The following LRRC4C variants were observed in gnomAD, a reference collection of about 807,000 sequenced individuals.
LRRC4C encodes the protein leucine-rich repeat-containing protein 4C.
LRRC4C carries 5 observed loss-of-function variants against 33.6 expected under a neutral mutation model. The ratio of observed to expected loss-of-function variants is 0.15; its 90% CI spans 0.08 to 0.31. LRRC4C has a LOEUF of 0.31. LRRC4C is among the 10% of genes least tolerant of loss of function. The pLI is 1.00. For missense variants in LRRC4C, 560 were observed against 796.7 expected (o/e 0.70, Z 3.58); for synonymous variants, 329 against 302.0 (o/e 1.09, Z -0.93).
At chr11:41,376,166 C>A (rs1233689362) in intron 1 of LRRC4C, among the ~76,000 whole-genome samples, 2 of 152,000 alleles carry the variant, frequency 1.3e-5, no homozygotes, top group Non-Finnish European at 2.9e-5. Flanking sequence ...TAAAAATGAA[C>A]TGAGTTCCCA....
intron 1 of LRRC4C, among the ~76,000 whole-genome samples, chr11:41,193,834 A>G (rs1049908244): frequency 3.3e-5 from 5 of 152,188 alleles, no homozygotes; most frequent in Non-Finnish European, 5.9e-5. Flanking sequence ...GGACCCTTCT[A>G]TGATACTGAA....
intron 3 of LRRC4C, among the ~76,000 whole-genome samples, chr11:40,364,683 T>G (rs1179642367): frequency 6.6e-6 from 1 of 151,760 alleles, no homozygotes; most frequent in Non-Finnish European, 1.5e-5. Context: ...TTTAACAAGG[T>G]TTGTAAGCCT....
At chr11:40,737,125 T>C (rs1023164279) in intron 2 of LRRC4C, among the ~76,000 whole-genome samples, 2 of 151,886 alleles carry the variant, frequency 1.3e-5, no homozygotes, top group African/African-American at 4.8e-5. Context: ...GTTTTTATGG[T>C]TTATCTCAAT....
intron 2 of LRRC4C, among the ~76,000 whole-genome samples, chr11:40,676,797 A>C (rs992446067): frequency 6.6e-6 from 1 of 152,130 alleles, no homozygotes; most frequent in Non-Finnish European, 1.5e-5. Context: ...TAATTAACAA[A>C]CTTCAGAGAA....
chr11:41,358,213 T>C (rs11036368), intron 1 of LRRC4C, among the ~76,000 whole-genome samples: 26,949 of 151,982 alleles, frequency 0.18, 2,767 homozygotes, highest in East Asian at 0.44. Context: ...AAAAAATAAA[T>C]CTATACACAG....
chr11:40,146,961 C>G (rs1857786419), intron 5 of LRRC4C, among the ~76,000 whole-genome samples: 1 of 152,148 alleles, frequency 6.6e-6, no homozygotes, highest in South Asian at 2.1e-4. Context: ...TCATTGCTTT[C>G]AAACTTAAAC....
chr11:40,950,857 G>C (rs1958661171), intron 1 of LRRC4C, among the ~76,000 whole-genome samples: 1 of 150,284 alleles, frequency 6.7e-6, no homozygotes, highest in Non-Finnish European at 1.5e-5. Flanking sequence ...ATTTGATCCT[G>C]GTATATGTAA....
intron 2 of LRRC4C, among the ~76,000 whole-genome samples, chr11:40,762,739 G>A (rs1034823162): frequency 6.6e-5 from 10 of 152,134 alleles, no homozygotes; most frequent in Non-Finnish European, 4.4e-5. Context: ...TTCCCTATCT[G>A]TATCCTAAAA....
At chr11:41,028,179 T>C (rs981598476) in intron 1 of LRRC4C, among the ~76,000 whole-genome samples, 6 of 151,650 alleles carry the variant, frequency 4.0e-5, no homozygotes, top group Non-Finnish European at 8.9e-5. Flanking sequence ...TTTAAAGCTA[T>C]ATTTTATGAT....
intron 1 of LRRC4C, among the ~76,000 whole-genome samples, chr11:41,155,498 T>A (rs1197437229): frequency 6.6e-6 from 1 of 152,130 alleles, no homozygotes; most frequent in Admixed American, 6.6e-5. Flanking sequence ...ACGAAACGTT[T>A]AACTTCTTCC....
chr11:40,515,260 G>A (rs1011454928), intron 3 of LRRC4C, among the ~76,000 whole-genome samples: 4 of 151,918 alleles, frequency 2.6e-5, no homozygotes, highest in African/African-American at 4.8e-5. Flanking sequence ...GCAATACTAA[G>A]CATATTCTTC....
At position 40,286,678 on chromosome 11, in the gene LRRC4C, C is replaced by G. The variant is rs76471444; in HGVS notation, c.-176+32950G>C. ...AAAGTGGGCTAGCAATTATTGAGTG[C>G]CAGTCATGTGCCAAATACTTAAGAC... On this transcript the variant is annotated intron_variant, in intron 4 of 6. Transcript: ENST00000528697. Among the ~76,000 whole-genome samples the G allele has an allele frequency of 7.5e-3, 1,146 of 152,272 alleles. 11 individuals carry two copies. The highest frequency in any genetic ancestry group is 0.026 in the African/African-American group (1,070 of 41,546).
At chr11:40,450,602 C>T (rs1489084054) in intron 3 of LRRC4C, among the ~76,000 whole-genome samples, 1 of 151,908 alleles carries the variant, frequency 6.6e-6, no homozygotes, top group Non-Finnish European at 1.5e-5. Flanking sequence ...GTGCTATAAT[C>T]ATTTAGCAAA....
At chr11:41,018,144 T>C in intron 1 of LRRC4C, among the ~76,000 whole-genome samples, 1 of 152,304 alleles carries the variant, frequency 6.6e-6, no homozygotes, top group Middle Eastern at 3.4e-3. Context: ...TTAAAAATAA[T>C]ATTTTCTTTT....
chr11:40,399,771 A>G (rs1378886629), intron 3 of LRRC4C, among the ~76,000 whole-genome samples: 5 of 152,050 alleles, frequency 3.3e-5, no homozygotes, highest in Admixed American at 2.6e-4. Flanking sequence ...TTCTCAGCCA[A>G]TTTTTCAAAA....
intron 1 of LRRC4C, among the ~76,000 whole-genome samples, chr11:40,996,052 T>C (rs1853947308): frequency 6.6e-6 from 1 of 152,224 alleles, no homozygotes; most frequent in African/African-American, 2.4e-5. Flanking sequence ...TCATGAGATT[T>C]CCACAATAGG....
At chr11:41,427,409 G>T (rs75932378) in intron 1 of LRRC4C, among the ~76,000 whole-genome samples, 4,822 of 152,162 alleles carry the variant, frequency 0.032, 256 homozygotes, top group African/African-American at 0.11. Flanking sequence ...ACAATAAAAA[G>T]TCAATAAATA....
At chr11:40,838,667 G>A (rs959619779) in intron 2 of LRRC4C, among the ~76,000 whole-genome samples, 1 of 151,872 alleles carries the variant, frequency 6.6e-6, no homozygotes, top group Non-Finnish European at 1.5e-5. Flanking sequence ...TTGAAAATAT[G>A]AGTTGTAGTA....
At chr11:40,627,074 G>GTTTT (rs33969300) in intron 3 of LRRC4C, among the ~76,000 whole-genome samples, 1 of 112,442 alleles carries the variant, frequency 8.9e-6, no homozygotes, top group African/African-American at 3.1e-5. Flanking sequence ...CAGCTATACT[G>GTTTT]TTTTTTTTTT....
Sources: allele counts gnomAD v4.1 joint callset (sites outside exome capture counted in the v4.1 genomes callset), GRCh38; gene constraint gnomAD v4.1.1; transcripts MANE v1.5; gene names NCBI Gene and HGNC (gene_info 2026-07-23, HGNC 2026-07-21).